The following OR1J2 variants were observed in gnomAD, a reference collection of about 807,000 sequenced individuals.
The protein encoded by OR1J2 is olfactory receptor 1J2.
For synonymous variants in OR1J2, 142 were observed against 99.7 expected (o/e 1.42, Z -2.52); for missense variants, 304 against 246.1 (o/e 1.24, Z -1.57).
chr9:122,448,241 G>A, the OR1J2 span, among the ~76,000 whole-genome samples: 5 of 152,276 alleles, frequency 3.3e-5, no homozygotes, highest in East Asian at 1.9e-4. Flanking sequence ...GGTACTATGC[G>A]TGGATATACA....
chr9:122,544,932 G>A, the OR1J2 span, among the ~76,000 whole-genome samples: 1 of 151,898 alleles, frequency 6.6e-6, no homozygotes, highest in Non-Finnish European at 1.5e-5. Flanking sequence ...TTAGAACATT[G>A]TTATTAACTG....
chr9:122,476,879 T>A, the OR1J2 span: 1 of 646,340 alleles, frequency 1.5e-6, no homozygotes, highest in Non-Finnish European at 2.7e-6. Context: ...CTAATTTTTT[T>A]GTATTTTTAG....
chr9:122,526,434 A>G, the OR1J2 span: 1 of 1,529,416 alleles, frequency 6.5e-7, no homozygotes, highest in Non-Finnish European at 8.8e-7. Flanking sequence ...TAGGCTATAG[A>G]TAAAGGGGTT....
chr9:122,552,964 A>G, the OR1J2 span: 1 of 523,532 alleles, frequency 1.9e-6, no homozygotes, highest in South Asian at 3.6e-5. Flanking sequence ...GGATTCTGCT[A>G]TAGCATACAA....
chr9:122,563,719 C>A, the OR1J2 span, among the ~76,000 whole-genome samples: 1 of 152,192 alleles, frequency 6.6e-6, no homozygotes, highest in African/African-American at 2.4e-5. Flanking sequence ...TCCCCTATGG[C>A]TTTGTCTAGT....
At chr9:122,511,820 A>C (rs1473527812), downstream of OR1J2, 3 of 738,438 alleles carry the variant, frequency 4.1e-6, no homozygotes, top group Non-Finnish European at 7.5e-6. Flanking sequence ...ATATGTCTCA[A>C]AACATGTTAT....
chr9:122,515,970 A>G (rs1209267902), downstream of OR1J2, among the ~76,000 whole-genome samples: 1 of 152,102 alleles, frequency 6.6e-6, no homozygotes, highest in African/African-American at 2.4e-5. Context: ...TTTGCACTTT[A>G]TTTTAATGGA....
At chr9:122,553,726 G>A in the OR1J2 span, 5 of 1,613,400 alleles carry the variant, frequency 3.1e-6, no homozygotes, top group Non-Finnish European at 2.5e-6. Flanking sequence ...GTGGCTTTCT[G>A]TGCCCAGAAA....
At chr9:122,466,847 T>C in the OR1J2 span, among the ~76,000 whole-genome samples, 1 of 152,060 alleles carries the variant, frequency 6.6e-6, no homozygotes, top group Non-Finnish European at 1.5e-5. Context: ...GGACAGAGTT[T>C]CTCTCTTATC....
the OR1J2 span, chr9:122,526,550 C>T: frequency 1.2e-6 from 2 of 1,611,756 alleles, no homozygotes; most frequent in East Asian, 2.2e-5. Flanking sequence ...TCCCATAGAA[C>T]ACACAAACAA....
upstream of OR1J2, among the ~76,000 whole-genome samples, chr9:122,505,836 T>A (rs925283734): frequency 7.9e-5 from 12 of 152,176 alleles, no homozygotes; most frequent in East Asian, 2.3e-3. Flanking sequence ...AAGTTTGTTT[T>A]CTTTTGTTTT....
At chr9:122,503,631 A>C in the OR1J2 span, among the ~76,000 whole-genome samples, 1 of 152,208 alleles carries the variant, frequency 6.6e-6, no homozygotes, top group East Asian at 1.9e-4. Flanking sequence ...TAAGATATAA[A>C]AACCCATGTA....
chr9:122,567,690 G>T, the OR1J2 span: 4 of 1,614,104 alleles, frequency 2.5e-6, no homozygotes, highest in Non-Finnish European at 3.4e-6. Flanking sequence ...GGTGGATGGG[G>T]GCTGTAAATA....
the OR1J2 span, chr9:122,519,303 C>T: frequency 2.5e-6 from 4 of 1,614,082 alleles, no homozygotes; most frequent in South Asian, 3.3e-5. Context: ...GGACTCTCAC[C>T]TTCACACCCC....
downstream of OR1J2, among the ~76,000 whole-genome samples, chr9:122,515,400 G>A (rs116005342): frequency 4.2e-3 from 602 of 142,160 alleles, 8 homozygotes; most frequent in African/African-American, 0.014. Flanking sequence ...GTATACGGGT[G>A]CTCAGCATTT....
At chr9:122,532,290 A>C in the OR1J2 span, among the ~76,000 whole-genome samples, 1 of 152,160 alleles carries the variant, frequency 6.6e-6, no homozygotes, top group Non-Finnish European at 1.5e-5. Context: ...CCACGATGGA[A>C]AGGAAATGAG....
downstream of OR1J2, among the ~76,000 whole-genome samples, chr9:122,513,989 T>C (rs1828669810): frequency 1.3e-5 from 2 of 152,194 alleles, no homozygotes; most frequent in Non-Finnish European, 2.9e-5. Context: ...TAAGTAGATA[T>C]GTATGTATAG....
At chr9:122,535,432 G>A in the OR1J2 span, among the ~76,000 whole-genome samples, 3 of 152,086 alleles carry the variant, frequency 2.0e-5, no homozygotes, top group Non-Finnish European at 2.9e-5. Context: ...GACAGGCACC[G>A]GAGTTTTGGG....
At chr9:122,522,042 A>G in the OR1J2 span, among the ~76,000 whole-genome samples, 1 of 152,210 alleles carries the variant, frequency 6.6e-6, no homozygotes, top group Non-Finnish European at 1.5e-5. Flanking sequence ...GGTGCACCGT[A>G]TTGATTTGAA....
Sources: allele counts gnomAD v4.1 joint callset (sites outside exome capture counted in the v4.1 genomes callset), GRCh38; gene constraint gnomAD v4.1.1; transcripts MANE v1.5; gene names NCBI Gene and HGNC (gene_info 2026-07-23, HGNC 2026-07-21).